The following SLC4A8 variants were observed in gnomAD, a reference collection of about 807,000 sequenced individuals.
SLC4A8 encodes the protein electroneutral sodium bicarbonate exchanger 1.
In SLC4A8, 40 loss-of-function variants were observed where a neutral mutation model predicts 125.0. That is an observed-to-expected ratio of 0.32 (90% CI 0.25 to 0.42). The LOEUF is 0.42. Ranked by LOEUF, SLC4A8 falls within the 10% of genes least tolerant of loss-of-function variation. SLC4A8 has a pLI of 1.00. For synonymous variants in SLC4A8, 456 were observed against 476.0 expected, an observed-to-expected ratio of 0.96 and a Z score of 0.55; for missense variants, 863 against 1,355.1, an observed-to-expected ratio of 0.64 and a Z score of 5.70.
chr12:51,468,884 T>C (rs1159599528), intron 11 of SLC4A8, among the ~76,000 whole-genome samples: 1 of 152,222 alleles, frequency 6.6e-6, no homozygotes, highest in African/African-American at 2.4e-5. Context: ...CTCAGCACCT[T>C]GATCCACCAA....
chr12:51,441,256 G>A, intron 2 of SLC4A8: 4 of 960,618 alleles, frequency 4.2e-6, no homozygotes, highest in Non-Finnish European at 5.0e-6. Flanking sequence ...ATTTCTGCCT[G>A]GTGGTTTCAT....
At chr12:51,450,383 G>T (rs1359691055) in intron 2 of SLC4A8, among the ~76,000 whole-genome samples, 1 of 152,170 alleles carries the variant, frequency 6.6e-6, no homozygotes, top group Non-Finnish European at 1.5e-5. Context: ...GAGTCACAGA[G>T]AGATTAGATA....
At chr12:51,426,266 C>A (rs1948974259) in intron 1 of SLC4A8, among the ~76,000 whole-genome samples, 1 of 152,174 alleles carries the variant, frequency 6.6e-6, no homozygotes, top group African/African-American at 2.4e-5. Context: ...CTGAAAAGAA[C>A]AATATCTAAG....
intron 23 of SLC4A8, 110 bp from the exon 24 acceptor site, chr12:51,505,725 G>A (rs1275382521): frequency 6.1e-6 from 3 of 493,512 alleles, no homozygotes; most frequent in African/African-American, 2.0e-5. Flanking sequence ...TGTTGGCTGC[G>A]TGGTCTCAAA....
At chr12:51,476,468 G>T (rs923451768) in intron 16 of SLC4A8, among the ~76,000 whole-genome samples, 3 of 151,742 alleles carry the variant, frequency 2.0e-5, no homozygotes, top group African/African-American at 7.3e-5. Context: ...GCGACAGAGT[G>T]AGACTCTGTC....
chr12:51,396,506 A>G (rs564246045), intron 1 of SLC4A8, among the ~76,000 whole-genome samples: 1 of 152,256 alleles, frequency 6.6e-6, no homozygotes, highest in East Asian at 1.9e-4. Context: ...AAAAATCAAA[A>G]TTAATGCAAA....
In SLC4A8 at chr12:51,489,703, G is replaced by A. The variant is rs555029192; in HGVS notation, c.2452G>A (p.Gly818Ser). The A allele has an allele frequency of 1.2e-6, 2 of 1,614,102 alleles. No individual in the cohort carries two copies. Among genetic ancestry groups the A allele is most frequent in the Admixed American group, 3.3e-5 (2 of 60,030 alleles). The change falls in exon 19 of 25, where the codon GGC becomes AGC. Residue 818 changes from glycine (G) to serine (S), a missense_variant. Physicochemically the swap from Gly to Ser is moderately conservative, Grantham distance 56. Coordinates refer to ENST00000453097, the MANE Select transcript of SLC4A8 (RefSeq NM_001039960.3). ...INRKEHKLKK[G>S]CGYHLDLLMV... ...CAAAGACTCTGTTTCCCCACAGAAA[G>A]GCTGTGGCTACCACCTGGACCTACT...
chr12:51,417,170 A>T (rs532534368), intron 1 of SLC4A8, among the ~76,000 whole-genome samples: 19 of 152,028 alleles, frequency 1.2e-4, no homozygotes, highest in African/African-American at 3.9e-4. Context: ...AAAATTAACC[A>T]TGGTGTAAGT....
rs763867725 is a variant in SLC4A8 at position 51,495,092 on chromosome 12, C to T, written c.2917C>T (p.Pro973Ser). 1 of 1,612,044 alleles carries T rather than the reference C, an allele frequency of 6.2e-7. No individual in the cohort carries two copies. The highest frequency in any genetic ancestry group is 1.3e-5 in the African/African-American group (1 of 75,034). Reference protein sequence around the residue: ...LVLLWVIKASPAAIVFPMMVL... With the variant: ...LVLLWVIKASSAAIVFPMMVL... ...CCTGCTCTGGGTCATCAAGGCATCT[C>T]CAGCTGCCATTGTTTTCCCAATGAT... The change falls in exon 21 of 25, where the codon CCA becomes TCA. Residue 973 changes from proline (P) to serine (S), a missense_variant. Transcript: ENST00000453097.
chr12:51,456,832 G>A (rs1950165566), intron 5 of SLC4A8, among the ~76,000 whole-genome samples: 1 of 152,068 alleles, frequency 6.6e-6, no homozygotes, highest in South Asian at 2.1e-4. Flanking sequence ...TGGGGTGAGT[G>A]GTTAGTTAAC....
chr12:51,452,120 C>G lies in SLC4A8; in HGVS notation c.278-4C>G. ...CAGACCTTTCTCTTTGGTTGATTTC[C>G]TAGACACACCATCTCAGCGTGTTCA... On this transcript the variant is annotated splice_polypyrimidine_tract_variant and splice_region_variant and intron_variant, in intron 3 of 24. Transcript: ENST00000453097. 1 of 1,614,110 alleles carries G rather than the reference C, an allele frequency of 6.2e-7. No individual in the cohort carries two copies. Among genetic ancestry groups the G allele is most frequent in the Non-Finnish European group, 8.5e-7 (1 of 1,179,974 alleles).
chr12:51,477,648 C>A (rs1238844004), intron 16 of SLC4A8, among the ~76,000 whole-genome samples: 4 of 152,210 alleles, frequency 2.6e-5, no homozygotes, highest in Middle Eastern at 3.4e-3. Context: ...CATGATGACT[C>A]CCTGGAAGTT....
rs746621383 is a variant in SLC4A8, at chr12:51,438,374, T to C, written c.49-2334T>C. Among the ~76,000 whole-genome samples the C allele has an allele frequency of 2.0e-4, 31 of 152,232 alleles. 1 individual carries two copies. Among genetic ancestry groups the C allele is most frequent in the Admixed American group, 1.2e-3 (18 of 15,280 alleles). ...TAGCTTCCACATATGAGTGAGAACA[T>C]GCAGTGTTTAACTTTCTGTTCCTGG... is the stretch of plus-strand genomic sequence containing the variant. On this transcript the variant is annotated intron_variant, in intron 1 of 24. Transcript: ENST00000453097.
At chr12:51,424,691 A>G (rs1948897008), upstream of SLC4A8, 1 of 428,500 alleles carries the variant, frequency 2.3e-6, no homozygotes, top group African/African-American at 2.1e-5. Context: ...TTCCAAGGCA[A>G]CCGGGCCCGG....
chr12:51,463,410 G>GGT (rs71731491), intron 10 of SLC4A8, among the ~76,000 whole-genome samples: 13,084 of 143,984 alleles, frequency 0.091, 591 homozygotes, highest in South Asian at 0.14. Context: ...GAAATTATGG[G>GGT]GTGTGTGTGT....
At chr12:51,408,213 A>G (rs1365519908) in intron 1 of SLC4A8, among the ~76,000 whole-genome samples, 1 of 151,994 alleles carries the variant, frequency 6.6e-6, no homozygotes. Flanking sequence ...GGGGGACACA[A>G]TTCAATCTAT....
At chr12:51,473,110 T>A (rs1402862866) in intron 14 of SLC4A8, among the ~76,000 whole-genome samples, 1 of 152,122 alleles carries the variant, frequency 6.6e-6, no homozygotes, top group Non-Finnish European at 1.5e-5. Context: ...TTGTACATTC[T>A]ATGGATTTTG....
rs1035903096 is a variant in SLC4A8 at position 51,512,706 on chromosome 12, G to A, written c.*5268G>A. On this transcript the variant is annotated 3_prime_UTR_variant, in exon 25 of 25. Transcript: ENST00000453097. ...GTGTATGTTGACAAATGAGAGTGTA[G>A]CCATAAGATTTCATTGTTACTACTA... 5.9e-5 allele frequency: 9 copies of A among 152,096 alleles called. 1 individual carries two copies. Among genetic ancestry groups the A allele is most frequent in the Admixed American group, 4.6e-4 (7 of 15,252 alleles). 9.4% of individuals were successfully genotyped at this position (152,096 alleles called of 1,614,324 possible).
At chr12:51,394,497 C>T (rs1354435392) in intron 1 of SLC4A8, among the ~76,000 whole-genome samples, 1 of 152,186 alleles carries the variant, frequency 6.6e-6, no homozygotes, top group Non-Finnish European at 1.5e-5. Context: ...GCAATTTCTG[C>T]CTCCGCTGGT....
Sources: allele counts gnomAD v4.1 joint callset (sites outside exome capture counted in the v4.1 genomes callset), GRCh38; gene constraint gnomAD v4.1.1; transcripts MANE v1.5; gene names NCBI Gene and HGNC (gene_info 2026-07-23, HGNC 2026-07-21).